Variants in CHST11 observed in about 807,000 individuals in gnomAD.
CHST11 encodes carbohydrate sulfotransferase 11.
In CHST11, 9 loss-of-function variants were observed where a neutral mutation model predicts 30.4. The ratio of observed to expected loss-of-function variants is 0.30; its 90% CI spans 0.18 to 0.52. The LOEUF (loss-of-function observed/expected upper bound fraction) is 0.52. CHST11 is among the 20% of genes least tolerant of loss of function. CHST11 has a pLI of 0.97. For synonymous variants in CHST11, 152 were observed against 187.8 expected, an observed-to-expected ratio of 0.81 and a Z score of 1.56; for missense variants, 348 against 460.6, an observed-to-expected ratio of 0.76 and a Z score of 2.24.
At chr12:104,578,125 A>G (rs547244291) in intron 1 of CHST11, among the ~76,000 whole-genome samples, 2 of 152,242 alleles carry the variant, frequency 1.3e-5, no homozygotes, top group African/African-American at 2.4e-5. Flanking sequence ...GGAATCTTAT[A>G]TAGACTAAAT....
chr12:104,683,479 G>A (rs1462211523), intron 2 of CHST11, among the ~76,000 whole-genome samples: 2 of 152,204 alleles, frequency 1.3e-5, no homozygotes, highest in Non-Finnish European at 2.9e-5. Flanking sequence ...AAATCCAGCT[G>A]TGGCTACACT....
At chr12:104,740,878 C>T (rs565788808) in intron 2 of CHST11, among the ~76,000 whole-genome samples, 81 of 152,332 alleles carry the variant, frequency 5.3e-4, no homozygotes, top group African/African-American at 1.3e-3. Flanking sequence ...TGGATTTAGA[C>T]GTGCTTGTCC....
chr12:104,496,757 A>C (rs1270014220), intron 1 of CHST11, among the ~76,000 whole-genome samples: 1 of 152,302 alleles, frequency 6.6e-6, no homozygotes, highest in South Asian at 2.1e-4. Flanking sequence ...CAAGACAAAG[A>C]AAATATGAGA....
At chr12:104,513,138 T>TGGGGGGGGGGG (rs1565969843) in intron 1 of CHST11, among the ~76,000 whole-genome samples, 2 of 3,338 alleles carry the variant, frequency 6.0e-4, no homozygotes, top group African/African-American at 1.4e-3. Context: ...GGGGGGGGGG[T>TGGGGGGGGGGG]TGGGGGTGGG....
intron 2 of CHST11, among the ~76,000 whole-genome samples, chr12:104,677,008 C>A (rs1304294921): frequency 3.9e-5 from 6 of 152,182 alleles, no homozygotes; most frequent in African/African-American, 1.4e-4. Flanking sequence ...CATTTCATTT[C>A]TTCGCCCTTC....
Position 104,717,797 on chromosome 12 carries a change from C to T in CHST11, c.205-39152C>T, listed in dbSNP as rs117935568. ...AAACAAACAACAACAACAACAGCAACAAATTCGCTGGGCAAGGTGGTGGGC... is the reference window on the plus strand; with the variant it reads ...AAACAAACAACAACAACAACAGCAATAAATTCGCTGGGCAAGGTGGTGGGC... On this transcript the variant is annotated intron_variant, in intron 2 of 2. Transcript: ENST00000303694. Among the ~76,000 whole-genome samples the T allele has an allele frequency of 2.0e-3, 301 of 149,198 alleles. 6 individuals carry two copies. In the East Asian group the frequency reaches 0.054, roughly 27 times the overall value.
Position 104,457,433 on chromosome 12 carries a change from G to T in CHST11, c.22G>T (p.Val8Leu), listed in dbSNP as rs1270126457. Residue 8 changes from valine (V) to leucine (L), a missense_variant, in exon 1 of 3, where the codon GTG (valine) becomes TTG (leucine). Coordinates refer to ENST00000303694, the MANE Select transcript of CHST11 (RefSeq NM_018413.6). Reference sequence around the variant, plus strand: ...AGCCATGAAGCCAGCGCTGCTGGAAGTGATGAGGATGAACAGAATCTGCCG... The same window carrying T: ...AGCCATGAAGCCAGCGCTGCTGGAATTGATGAGGATGAACAGAATCTGCCG... MKPALLE[V>L]MRMNRICRMV... is the part of the protein sequence containing the mutation. 4 of 1,613,944 alleles carry T rather than the reference G, an allele frequency of 2.5e-6. No homozygotes were observed. The highest frequency in any genetic ancestry group is 3.4e-6 in the Non-Finnish European group (4 of 1,179,888).
At chr12:104,656,560 A>T (rs1028725234) in intron 2 of CHST11, among the ~76,000 whole-genome samples, 1 of 152,202 alleles carries the variant, frequency 6.6e-6, no homozygotes. Flanking sequence ...CTCAGCGTGC[A>T]TGCGGTGACT....
intron 2 of CHST11, among the ~76,000 whole-genome samples, chr12:104,721,855 T>G (rs1411521958): frequency 6.6e-6 from 1 of 152,228 alleles, no homozygotes; most frequent in Non-Finnish European, 1.5e-5. Context: ...GAGATATTAC[T>G]GAGACTAATA....
chr12:104,488,577 GTGTGTATGTATGCGTA>G, intron 1 of CHST11, among the ~76,000 whole-genome samples: 1 of 134,428 alleles, frequency 7.4e-6, no homozygotes, highest in South Asian at 2.7e-4. Context: ...GTGTGTATGT[GTGTGTATGTATGCGTA>G]TGTATGCGTA....
At chr12:104,635,116 G>C (rs1449844179) in intron 2 of CHST11, among the ~76,000 whole-genome samples, 1 of 152,048 alleles carries the variant, frequency 6.6e-6, no homozygotes, top group Non-Finnish European at 1.5e-5. Flanking sequence ...ATTCTCCTTT[G>C]AGATTTCATT....
At chr12:104,558,540 C>CA (rs1182825096) in intron 1 of CHST11, among the ~76,000 whole-genome samples, 14 of 49,978 alleles carry the variant, frequency 2.8e-4, no homozygotes, top group Non-Finnish European at 5.9e-4. Flanking sequence ...GCAGAAATTC[C>CA]CCCCCCCGCC....
intron 2 of CHST11, among the ~76,000 whole-genome samples, chr12:104,670,189 C>G (rs895464437): frequency 6.6e-6 from 1 of 152,198 alleles, no homozygotes; most frequent in Non-Finnish European, 1.5e-5. Context: ...GCCAGGTGCA[C>G]TCTGGTGAGA....
At chr12:104,485,639 G>C (rs191111666) in intron 1 of CHST11, among the ~76,000 whole-genome samples, 94 of 152,354 alleles carry the variant, frequency 6.2e-4, no homozygotes, top group African/African-American at 2.2e-3. Flanking sequence ...GCAGAAGGTA[G>C]ACTGACTCGG....
chr12:104,568,784 A>T (rs2038595766), intron 1 of CHST11, among the ~76,000 whole-genome samples: 1 of 152,190 alleles, frequency 6.6e-6, no homozygotes, highest in Admixed American at 6.5e-5. Context: ...CAGAGCTGGG[A>T]TCCAATCCCA....
At chr12:104,666,108 G>A (rs7307561) in intron 2 of CHST11, among the ~76,000 whole-genome samples, 3,524 of 152,062 alleles carry the variant, frequency 0.023, 118 homozygotes, top group African/African-American at 0.075. Flanking sequence ...GTGAGCCACC[G>A]CACCCGGCCT....
intron 1 of CHST11, among the ~76,000 whole-genome samples, chr12:104,573,742 A>G (rs148828103): frequency 0.01 from 1,572 of 152,332 alleles, 43 homozygotes; most frequent in East Asian, 0.085. Context: ...TGTTAGACCT[A>G]AAACCATAAA....
chr12:104,628,046 C>T (rs921907136), intron 2 of CHST11, among the ~76,000 whole-genome samples: 3 of 152,212 alleles, frequency 2.0e-5, no homozygotes, highest in South Asian at 2.1e-4. Flanking sequence ...GTGATAGCAG[C>T]GGGAGGTAAT....
chr12:104,724,585 G>A (rs1330032554), intron 2 of CHST11, among the ~76,000 whole-genome samples: 1 of 152,076 alleles, frequency 6.6e-6, no homozygotes, highest in Non-Finnish European at 1.5e-5. Context: ...AGCAGCCAGG[G>A]TCCCGGGAGG....
Sources: gnomAD v4.1 joint callset for allele counts (sites outside exome capture counted in the v4.1 genomes callset) on GRCh38, gnomAD v4.1.1 for gene constraint, MANE v1.5 for transcripts, NCBI Gene and HGNC (gene_info 2026-07-23, HGNC 2026-07-21) for gene names.